The following RAPGEFL1 variants were observed in gnomAD, a reference collection of about 807,000 sequenced individuals.
The protein encoded by RAPGEFL1 is Rap guanine nucleotide exchange factor like 1, also known as rap guanine nucleotide exchange factor-like 1.
Under a neutral mutation model 64.4 loss-of-function variants are expected in RAPGEFL1, and 31 were observed. The observed-to-expected ratio is 0.48, with a 90% CI of 0.36 to 0.65. RAPGEFL1 has a LOEUF of 0.65. Among genes scored for constraint, RAPGEFL1 ranks in the 30% least tolerant of loss-of-function variants. RAPGEFL1 has a pLI of 0.00. For missense variants in RAPGEFL1, 682 were observed against 677.4 expected (o/e 1.01, Z -0.08); for synonymous variants, 331 against 274.1 (o/e 1.21, Z -2.05).
At chr17:40,189,976 G>A (rs1280569260) in intron 6 of RAPGEFL1, among the ~76,000 whole-genome samples, 3 of 151,862 alleles carry the variant, frequency 2.0e-5, no homozygotes, top group African/African-American at 7.3e-5. Context: ...AAAAGTTTGG[G>A]AGGCACTGGT....
chr17:40,186,503 G>A (rs1178715203), intron 4 of RAPGEFL1, among the ~76,000 whole-genome samples: 1 of 143,018 alleles, frequency 7.0e-6, no homozygotes, highest in Non-Finnish European at 1.5e-5. Context: ...GGGAAGCGGA[G>A]TTTGCAGTGA....
In RAPGEFL1 at chr17:40,195,593, C is replaced by A. The variant is rs370150359; in HGVS notation, c.*1805C>A. ...GTGAACCATGTGTATTGTACAGGCG[C>A]GGTTGTCATTGCAGAAACCGCTGGG... On this transcript the variant is annotated 3_prime_UTR_variant, in exon 15 of 15. Transcript: ENST00000620260. 1 of 152,698 alleles carries A rather than the reference C, an allele frequency of 6.5e-6. No individual in the cohort carries two copies. The highest frequency in any genetic ancestry group is 1.5e-5 in the Non-Finnish European group (1 of 68,098). 9.5% of individuals were successfully genotyped at this position (152,698 alleles called of 1,614,324 possible).
intron 4 of RAPGEFL1, among the ~76,000 whole-genome samples, chr17:40,186,437 G>A (rs1369824569): frequency 2.0e-5 from 3 of 147,338 alleles, no homozygotes; most frequent in Non-Finnish European, 4.5e-5. Flanking sequence ...GCGCGGTGGC[G>A]GGCGCCTGCA....
chr17:40,182,983 A>T (rs1262076915), intron 2 of RAPGEFL1, among the ~76,000 whole-genome samples: 1 of 152,060 alleles, frequency 6.6e-6, no homozygotes, highest in East Asian at 1.9e-4. Context: ...CTCCGTCTCT[A>T]CTAAAACACA....
upstream of RAPGEFL1, chr17:40,177,251 G>T: frequency 1.4e-6 from 1 of 702,582 alleles, no homozygotes; most frequent in South Asian, 1.5e-5. Context: ...GCTGAGACCC[G>T]GTTATCCCTT....
intron 2 of RAPGEFL1, among the ~76,000 whole-genome samples, chr17:40,182,032 G>A (rs1010061197): frequency 5.3e-5 from 8 of 151,766 alleles, no homozygotes; most frequent in Non-Finnish European, 8.8e-5. Flanking sequence ...GCAGTGAGCC[G>A]AGATCGCGTC....
Position 40,177,797 on chromosome 17 carries a change from C to T in RAPGEFL1, c.-65C>T. 2.4e-6 allele frequency: 1 copy of T among 411,122 alleles called. No homozygotes were observed. Among genetic ancestry groups the T allele is most frequent in the Non-Finnish European group, 4.3e-6 (1 of 233,006 alleles). The allele number at this position is 411,122 out of a possible 1,614,324, so 25.5% of individuals were successfully genotyped here. A position where few individuals can be genotyped will look rare whatever the true frequency, so the allele number is the denominator to read the frequency against. On this transcript the variant is annotated 5_prime_UTR_variant, in exon 1 of 15. Transcript: ENST00000620260. ...CTCTGAGCATCGTGTCTTCGCCGCC[C>T]CCCCCGCCCGCGCCTGGGATACCTG...
chr17:40,190,309 T>G, intron 6 of RAPGEFL1, 125 bp from the exon 7 acceptor site: 22 of 707,530 alleles, frequency 3.1e-5, no homozygotes, highest in Non-Finnish European at 4.3e-5. Context: ...AGTGATAAGA[T>G]GAGTTCCATT....
At chr17:40,178,434 C>T (rs990172912) in intron 1 of RAPGEFL1, 53 bp downstream of exon 1, 2 of 468,168 alleles carry the variant, frequency 4.3e-6, no homozygotes, top group Non-Finnish European at 3.8e-6. Flanking sequence ...CCCGGCTCCT[C>T]TTCCTTGCCC....
In RAPGEFL1 at chr17:40,186,574, C is replaced by CAAAAAAAAAAAAAA. The variant is rs146110920; in HGVS notation, c.833+1918_833+1931dup. Among the ~76,000 whole-genome samples the CAAAAAAAAAAAAAA allele has an allele frequency of 7.6e-5, 2 of 26,274 alleles. 1 individual carries two copies. The highest frequency in any genetic ancestry group is 1.9e-4 in the African/African-American group (2 of 10,708). The allele number at this position is 26,274 out of a possible 152,430, so 17.2% of individuals were successfully genotyped here. A position where few individuals can be genotyped will look rare whatever the true frequency, so the allele number is the denominator to read the frequency against. The stretch of plus-strand genomic sequence containing the variant: ...TGGGCGACAGAGCGAGACTCCGTCT[C>CAAAAAAAAAAAAAA]AAAAAAAAAAAAAAAAAAAAAAAAA... On this transcript the variant is annotated intron_variant, in intron 4 of 14. Transcript: ENST00000620260.
chr17:40,190,599 G>A (rs1452629484), intron 7 of RAPGEFL1, 41 bp from the exon 8 acceptor site: 2 of 1,613,906 alleles, frequency 1.2e-6, no homozygotes, highest in South Asian at 1.1e-5. Flanking sequence ...CCCTCACCCT[G>A]CCACCAGGAG....
Position 40,193,899 on chromosome 17 carries a change from T to C in RAPGEFL1, c.*111T>C. 6.9e-7 allele frequency: 1 copy of C among 1,440,754 alleles called. No individual in the cohort carries two copies. 89.2% of individuals were successfully genotyped at this position (1,440,754 alleles called of 1,614,324 possible). On this transcript the variant is annotated 3_prime_UTR_variant, in exon 15 of 15. Transcript: ENST00000620260. ...TCTTTCCCGTGGAGCAACTTCCTGC[T>C]CCACGGGAAAGAGGTCGATGGATTT...
intron 4 of RAPGEFL1, among the ~76,000 whole-genome samples, chr17:40,186,763 A>C (rs1401069345): frequency 6.7e-6 from 1 of 149,828 alleles, no homozygotes; most frequent in Admixed American, 6.7e-5. Flanking sequence ...GCGTGGTGGT[A>C]CACACCTGTA....
At chr17:40,183,477 TG>T (rs1325525147) in intron 2 of RAPGEFL1, among the ~76,000 whole-genome samples, 2 of 151,664 alleles carry the variant, frequency 1.3e-5, no homozygotes, top group African/African-American at 4.8e-5. Flanking sequence ...AGAGAATACT[TG>T]GGGGCAATTT....
chr17:40,190,834 G>C, intron 8 of RAPGEFL1, 72 bp downstream of exon 8: 3 of 1,585,126 alleles, frequency 1.9e-6, no homozygotes, highest in Non-Finnish European at 2.6e-6. Context: ...GGTGTTCGCA[G>C]CACAACGTCC....
chr17:40,192,156 C>T, intron 10 of RAPGEFL1, 57 bp from the exon 11 acceptor site: 1 of 1,503,714 alleles, frequency 6.7e-7, no homozygotes, highest in East Asian at 2.3e-5. Context: ...CCGAGGCTCC[C>T]ATGTAACCCA....
Position 40,190,699 on chromosome 17 carries a change from G to T in RAPGEFL1, c.1272G>T (p.Glu424Asp). Residue 424 changes from glutamate to aspartate, a missense_variant, in exon 8 of 15, where the codon GAG becomes GAT. Physicochemically the swap from Glu to Asp is conservative, Grantham distance 45. Transcript: ENST00000620260. ...SPGDTEIHRVEPEDVANHLTA... is the reference protein window; with the variant it reads ...SPGDTEIHRVDPEDVANHLTA... ...GAGACACAGAGATCCACCGAGTGGA[G>T]CCTGAGGACGTTGCCAACCACCTAA... 1.2e-6 allele frequency: 2 copies of T among 1,614,228 alleles called. No individual in the cohort carries two copies. Among genetic ancestry groups the T allele is most frequent in the Non-Finnish European group, 1.7e-6 (2 of 1,180,046 alleles).
intron 2 of RAPGEFL1, among the ~76,000 whole-genome samples, chr17:40,183,835 C>CTT (rs34505274): frequency 7.7e-4 from 44 of 56,872 alleles, no homozygotes; most frequent in East Asian, 1.1e-3. Context: ...TTTTTTTTGC[C>CTT]TTTTTTTTTT....
Position 40,193,969 on chromosome 17 carries a change from C to A in RAPGEFL1, c.*181C>A. 1.3e-6 allele frequency: 1 copy of A among 781,858 alleles called. No homozygotes were observed. The highest frequency in any genetic ancestry group is 2.0e-6 in the Non-Finnish European group (1 of 508,330). The allele number at this position is 781,858 out of a possible 1,614,324, so 48.4% of individuals were successfully genotyped here. On this transcript the variant is annotated 3_prime_UTR_variant, in exon 15 of 15. Coordinates refer to ENST00000620260, the MANE Select transcript of RAPGEFL1 (RefSeq NM_016339.6). ...TGTTCATCCTGCTGAAGTCCCCTCC[C>A]CATTGCTCCTTCAAGCCAAAACTAC...
Sources: gnomAD v4.1 joint callset for allele counts (sites outside exome capture counted in the v4.1 genomes callset) on GRCh38, gnomAD v4.1.1 for gene constraint, MANE v1.5 for transcripts, NCBI Gene and HGNC (gene_info 2026-07-23, HGNC 2026-07-21) for gene names.